PLCL2: variants seen among roughly 807,000 people sequenced by gnomAD.
PLCL2 encodes inactive phospholipase C-like protein 2.
Under a neutral mutation model 79.6 loss-of-function variants are expected in PLCL2, and 4 were observed. That is an observed-to-expected ratio of 0.05 (90% CI 0.02 to 0.11). The LOEUF (loss-of-function observed/expected upper bound fraction) is 0.11, where lower values mean the gene tolerates loss of function less well. Among genes scored for constraint, PLCL2 ranks in the 10% least tolerant of loss-of-function variants. The pLI, the probability that PLCL2 is intolerant of heterozygous loss-of-function variation, is 1.00. For missense variants in PLCL2, 895 were observed against 1,291.0 expected, an observed-to-expected ratio of 0.69 and a Z score of 4.70; for synonymous variants, 484 against 457.7, an observed-to-expected ratio of 1.06 and a Z score of -0.73.
At chr3:17,038,468 C>T (rs192627619) in intron 3 of PLCL2, among the ~76,000 whole-genome samples, 239 of 152,192 alleles carry the variant, frequency 1.6e-3, no homozygotes, top group African/African-American at 5.0e-3. Flanking sequence ...ATTCTAGTGA[C>T]GTATCAGTGT....
At chr3:16,890,578 G>A (rs772056109) in intron 1 of PLCL2, among the ~76,000 whole-genome samples, 3 of 152,174 alleles carry the variant, frequency 2.0e-5, no homozygotes, top group African/African-American at 2.4e-5. Flanking sequence ...AAGAATAGAT[G>A]CTTTCTTCCT....
chr3:17,021,594 T>A (rs2064453530), intron 3 of PLCL2, among the ~76,000 whole-genome samples: 1 of 60,852 alleles, frequency 1.6e-5, no homozygotes, highest in South Asian at 5.6e-4. Flanking sequence ...TAAAGTATTC[T>A]TACACACACA....
intron 1 of PLCL2, among the ~76,000 whole-genome samples, chr3:17,000,821 C>T (rs1459295575): frequency 2.0e-5 from 3 of 152,006 alleles, no homozygotes; most frequent in Admixed American, 2.0e-4. Context: ...CCTATCCATC[C>T]ATTAATGGAC....
At chr3:17,046,775 T>A (rs1559530947) in intron 4 of PLCL2, among the ~76,000 whole-genome samples, 1 of 152,118 alleles carries the variant, frequency 6.6e-6, no homozygotes, top group Non-Finnish European at 1.5e-5. Context: ...AAGCTGGTCT[T>A]GGGGGGCCTG....
chr3:16,970,702 T>C (rs1243214802), intron 1 of PLCL2, among the ~76,000 whole-genome samples: 1 of 144,768 alleles, frequency 6.9e-6, no homozygotes, highest in Non-Finnish European at 1.5e-5. Context: ...TTCCTATTTC[T>C]CCACATCCTC....
At chr3:16,889,834 T>A (rs924361368) in intron 1 of PLCL2, among the ~76,000 whole-genome samples, 3 of 152,212 alleles carry the variant, frequency 2.0e-5, no homozygotes, top group African/African-American at 7.2e-5. Flanking sequence ...CATTTTTTAA[T>A]TGGATCTTAA....
At chr3:17,024,102 T>C (rs748388995) in intron 3 of PLCL2, among the ~76,000 whole-genome samples, 4 of 152,160 alleles carry the variant, frequency 2.6e-5, no homozygotes, top group Non-Finnish European at 4.4e-5. Flanking sequence ...GTTAGAAGTA[T>C]GATGTGATAA....
intron 3 of PLCL2, among the ~76,000 whole-genome samples, chr3:17,016,906 G>A (rs2064391266): frequency 1.3e-5 from 2 of 152,108 alleles, no homozygotes; most frequent in South Asian, 4.1e-4. Context: ...TTTCTTCATG[G>A]CGAGCTTTTT....
At chr3:16,988,705 TG>T (rs1482641864) in intron 1 of PLCL2, among the ~76,000 whole-genome samples, 1 of 152,160 alleles carries the variant, frequency 6.6e-6, no homozygotes, top group Non-Finnish European at 1.5e-5. Flanking sequence ...TTATCCTGAC[TG>T]AGCAAGCTGA....
At chr3:16,994,331 C>T (rs1406205571) in intron 1 of PLCL2, among the ~76,000 whole-genome samples, 5 of 152,042 alleles carry the variant, frequency 3.3e-5, no homozygotes, top group South Asian at 4.2e-4. Context: ...CAGATATTGA[C>T]GTTTTTATTG....
chr3:17,071,394 AC>A (rs2065059251), intron 5 of PLCL2, among the ~76,000 whole-genome samples: 1 of 152,174 alleles, frequency 6.6e-6, no homozygotes, highest in African/African-American at 2.4e-5. Flanking sequence ...TAACTGCCAC[AC>A]CCAGAATTAT....
chr3:16,958,740 T>A (rs1257331346), intron 1 of PLCL2, among the ~76,000 whole-genome samples: 1 of 152,208 alleles, frequency 6.6e-6, no homozygotes, highest in Admixed American at 6.5e-5. Context: ...CTGGAAGCTC[T>A]ACATTGGTAT....
At chr3:16,956,288 A>G (rs923217513) in intron 1 of PLCL2, among the ~76,000 whole-genome samples, 1 of 152,146 alleles carries the variant, frequency 6.6e-6, no homozygotes, top group African/African-American at 2.4e-5. Context: ...TGAGATAATC[A>G]TGTGGTTTTT....
chr3:16,991,363 T>C (rs890285664), intron 1 of PLCL2, among the ~76,000 whole-genome samples: 3 of 152,202 alleles, frequency 2.0e-5, no homozygotes, highest in Non-Finnish European at 4.4e-5. Flanking sequence ...CAGACAGTAG[T>C]TACCATGTGG....
rs1231684316 is a variant in PLCL2, at chr3:17,010,992, A to G, written c.1646A>G (p.Asn549Ser). ...GACAAGCTCTATACAACATCACCCAATGTTGAGGAATCTTATCTACCATCC... is the reference window on the plus strand; with the variant it reads ...GACAAGCTCTATACAACATCACCCAGTGTTGAGGAATCTTATCTACCATCC... Reference protein sequence around the residue: ...LGDKLYTTSPNVEESYLPSPD... With the variant: ...LGDKLYTTSPSVEESYLPSPD... The change falls in exon 2 of 6, where the codon AAT becomes AGT. Residue 549 changes from asparagine to serine, a missense_variant. By Grantham distance (46) the Asn-to-Ser change is conservative (BLOSUM62 1). Around this residue, in one of 6 missense-constraint regions of PLCL2, gnomAD observed 242 missense variants for 399.5 expected, o/e 0.61. Coordinates refer to ENST00000615277, the MANE Select transcript of PLCL2 (RefSeq NM_001144382.2). The surrounding 1 kb of genome is among the most constrained non-coding windows in gnomAD (Gnocchi z 5.8). The G allele has an allele frequency of 2.5e-6, 4 of 1,613,914 alleles. No homozygotes were observed. Among genetic ancestry groups the G allele is most frequent in the Non-Finnish European group, 3.4e-6 (4 of 1,179,838 alleles).
intron 3 of PLCL2, among the ~76,000 whole-genome samples, chr3:17,031,335 T>C (rs1174998714): frequency 6.6e-6 from 1 of 152,194 alleles, no homozygotes; most frequent in Non-Finnish European, 1.5e-5. Context: ...GACTACATCC[T>C]CACTGGACTG....
intron 4 of PLCL2, among the ~76,000 whole-genome samples, chr3:17,044,373 A>C (rs768547966): frequency 6.6e-6 from 1 of 152,166 alleles, no homozygotes; most frequent in African/African-American, 2.4e-5. Context: ...CTCTCTGCCA[A>C]TCTGTACTTT....
chr3:16,962,423 C>CTT (rs5846949), intron 1 of PLCL2, among the ~76,000 whole-genome samples: 65 of 144,180 alleles, frequency 4.5e-4, no homozygotes, highest in Middle Eastern at 3.6e-3. Flanking sequence ...CAGGAGCTTT[C>CTT]TTTTTTTTTT....
chr3:16,939,314 C>T (rs1024360552), intron 1 of PLCL2, among the ~76,000 whole-genome samples: 31 of 152,110 alleles, frequency 2.0e-4, no homozygotes, highest in African/African-American at 7.2e-4. Context: ...GCATTATTAT[C>T]TTTAAATGCT....
Sources: allele counts gnomAD v4.1 joint callset (sites outside exome capture counted in the v4.1 genomes callset), GRCh38; gene constraint gnomAD v4.1.1; regional missense constraint gnomAD v4.1.1; non-coding constraint Gnocchi (gnomAD v3.1); transcripts MANE v1.5; gene names NCBI Gene and HGNC (gene_info 2026-07-23, HGNC 2026-07-21).